Variants in L3MBTL4 observed in about 807,000 individuals in gnomAD.
The protein encoded by L3MBTL4 is L3MBTL histone methyl-lysine binding protein 4.
Under a neutral mutation model 84.5 loss-of-function variants are expected in L3MBTL4, and 70 were observed. The observed-to-expected ratio is 0.83, with a 90% confidence interval of 0.68 to 1.01. The LOEUF (loss-of-function observed/expected upper bound fraction) is 1.01, where lower values mean the gene tolerates loss of function less well. L3MBTL4 is among the 50% of genes least tolerant of loss of function. The pLI is 0.00. For synonymous variants in L3MBTL4, 274 were observed against 259.8 expected, an observed-to-expected ratio of 1.05 and a Z score of -0.52; for missense variants, 715 against 754.8, an observed-to-expected ratio of 0.95 and a Z score of 0.62.
intron 16 of L3MBTL4, among the ~76,000 whole-genome samples, chr18:6,073,922 C>T (rs2057773536): frequency 6.6e-6 from 1 of 152,118 alleles, no homozygotes; most frequent in Non-Finnish European, 1.5e-5. Flanking sequence ...TGTCATATAG[C>T]TGTGAATGAA....
chr18:6,208,341 T>A (rs888221796), intron 12 of L3MBTL4, among the ~76,000 whole-genome samples: 8 of 152,162 alleles, frequency 5.3e-5, no homozygotes, highest in African/African-American at 1.9e-4. Flanking sequence ...AGTTTCTAGT[T>A]ACATAACTAG....
intron 1 of L3MBTL4, among the ~76,000 whole-genome samples, chr18:6,411,613 TC>T (rs2055967010): frequency 6.6e-6 from 1 of 152,200 alleles, no homozygotes; most frequent in South Asian, 2.1e-4. Context: ...CTGGTTTTCC[TC>T]CCCCTCAGAC....
intron 16 of L3MBTL4, among the ~76,000 whole-genome samples, chr18:6,032,713 C>T (rs2055890722): frequency 6.6e-6 from 1 of 152,158 alleles, no homozygotes; most frequent in African/African-American, 2.4e-5. Flanking sequence ...TCTCCATTCT[C>T]CCCTCCTCCC....
chr18:6,093,581 G>A, intron 14 of L3MBTL4, 53 bp from the exon 15 acceptor site: 13 of 1,456,804 alleles, frequency 8.9e-6, no homozygotes, highest in Non-Finnish European at 1.1e-5. Flanking sequence ...GATAAATCAG[G>A]GATCCATTGT....
intron 12 of L3MBTL4, among the ~76,000 whole-genome samples, chr18:6,183,407 C>T (rs1223272983): frequency 6.6e-6 from 1 of 152,236 alleles, no homozygotes; most frequent in Non-Finnish European, 1.5e-5. Flanking sequence ...GACGCTGCGC[C>T]TTCACTGCTG....
At chr18:6,161,089 A>T (rs1490214453) in intron 13 of L3MBTL4, among the ~76,000 whole-genome samples, 1 of 152,234 alleles carries the variant, frequency 6.6e-6, no homozygotes, top group Non-Finnish European at 1.5e-5. Flanking sequence ...CCAGAAACAC[A>T]AAGCATGATA....
At chr18:6,061,127 C>T (rs940033545) in intron 16 of L3MBTL4, among the ~76,000 whole-genome samples, 16 of 152,220 alleles carry the variant, frequency 1.1e-4, no homozygotes, top group African/African-American at 3.6e-4. Flanking sequence ...CATTTTGCTT[C>T]CCTACCAGCA....
chr18:6,000,716 A>G (rs2054173692), intron 16 of L3MBTL4, among the ~76,000 whole-genome samples: 1 of 152,230 alleles, frequency 6.6e-6, no homozygotes, highest in Non-Finnish European at 1.5e-5. Context: ...TGCCACATTC[A>G]GTGAATTGGA....
At chr18:5,958,276 A>T (rs572844452) in intron 18 of L3MBTL4, among the ~76,000 whole-genome samples, 3 of 152,314 alleles carry the variant, frequency 2.0e-5, no homozygotes, top group South Asian at 4.1e-4. Flanking sequence ...TATAATATTT[A>T]AAAAAGTTTT....
chr18:6,280,038 T>C (rs2049259033), intron 4 of L3MBTL4, among the ~76,000 whole-genome samples: 2 of 152,188 alleles, frequency 1.3e-5, no homozygotes, highest in East Asian at 3.8e-4. Context: ...GTAAAAATGT[T>C]TCAAATAAAT....
At chr18:6,264,226 T>C (rs2048531360) in intron 4 of L3MBTL4, among the ~76,000 whole-genome samples, 188 bp from the exon 5 acceptor site, 2 of 152,190 alleles carry the variant, frequency 1.3e-5, no homozygotes. Flanking sequence ...CCACTCCATA[T>C]TCAGCTCTTC....
intron 1 of L3MBTL4, among the ~76,000 whole-genome samples, chr18:6,315,500 T>C (rs972238334): frequency 6.6e-6 from 1 of 152,186 alleles, no homozygotes; most frequent in South Asian, 2.1e-4. Context: ...AGCCCGACAA[T>C]ATGTGTACCA....
chr18:6,314,426 C>G (rs1389504921), intron 1 of L3MBTL4, among the ~76,000 whole-genome samples: 1 of 152,182 alleles, frequency 6.6e-6, no homozygotes, highest in Non-Finnish European at 1.5e-5. Flanking sequence ...ACCAACTAGA[C>G]TGAGCTGTGC....
intron 16 of L3MBTL4, among the ~76,000 whole-genome samples, chr18:5,972,947 T>C (rs1047892881): frequency 1.4e-5 from 1 of 70,902 alleles, no homozygotes; most frequent in East Asian, 4.8e-4. Context: ...TAGAATAGAA[T>C]AGAATAGAAT....
At chr18:6,006,726 T>C (rs990426035) in intron 16 of L3MBTL4, among the ~76,000 whole-genome samples, 4 of 152,108 alleles carry the variant, frequency 2.6e-5, no homozygotes, top group Non-Finnish European at 5.9e-5. Context: ...GAAACTTCAA[T>C]AGTTAAATAA....
At chr18:6,276,968 T>C (rs1001733845) in intron 4 of L3MBTL4, among the ~76,000 whole-genome samples, 2 of 151,936 alleles carry the variant, frequency 1.3e-5, no homozygotes, top group Admixed American at 1.3e-4. Context: ...GAGAGTAAAA[T>C]AACAAAATTT....
At position 6,233,722 on chromosome 18, in the gene L3MBTL4, G is replaced by A. The variant is rs1399409277; in HGVS notation, c.784+4242C>T. ...CTCATGGGTAGGAAGAATCAATATC[G>A]TGAAAATGGCCATACTGCCCCAGGT... is the stretch of plus-strand genomic sequence containing the variant. On this transcript the variant is annotated intron_variant, in intron 10 of 18. Coordinates refer to ENST00000317931, the MANE Select transcript of L3MBTL4 (RefSeq NM_001330559.2). 2.6e-5 allele frequency among the ~76,000 whole-genome samples: 4 copies of A among 152,008 alleles called. No homozygotes were observed. In the South Asian group the frequency reaches 6.2e-4, roughly 24 times the overall value.
intron 13 of L3MBTL4, among the ~76,000 whole-genome samples, chr18:6,165,431 GA>G (rs1216130395): frequency 6.6e-6 from 1 of 152,186 alleles, no homozygotes; most frequent in Non-Finnish European, 1.5e-5. Flanking sequence ...CAGCCAGAGA[GA>G]AAGGTCGGGT....
rs182640865 is a variant in L3MBTL4 at position 6,396,720 on chromosome 18, T to A, written c.-91+18081A>T. On this transcript the variant is annotated intron_variant, in intron 1 of 18. Transcript: ENST00000317931. The stretch of plus-strand genomic sequence containing the variant: ...CTAACTATATCACCCATTGGGGCAA[T>A]ATTGCCATCCATAAAAGTGTTTCTA... 9 of 152,384 alleles carry A rather than the reference T, an allele frequency of 5.9e-5. No homozygotes were observed. In the East Asian group the frequency reaches 1.2e-3, roughly 20 times the overall value. 9.4% of individuals were successfully genotyped at this position (152,384 alleles called of 1,614,324 possible).
Sources: gnomAD v4.1 joint callset for allele counts (sites outside exome capture counted in the v4.1 genomes callset) on GRCh38, gnomAD v4.1.1 for gene constraint, MANE v1.5 for transcripts, NCBI Gene and HGNC (gene_info 2026-07-23, HGNC 2026-07-21) for gene names.